TBC1D5: variants seen among roughly 807,000 people sequenced by gnomAD.
TBC1D5 encodes the protein TBC1 domain family member 5, also known as TBC1 domain family, member 5.
In TBC1D5, 75 loss-of-function variants were observed where a neutral mutation model predicts 100.3. The ratio of observed to expected loss-of-function variants is 0.75; its 90% CI spans 0.62 to 0.91. The LOEUF (loss-of-function observed/expected upper bound fraction) is 0.91, where lower values mean the gene tolerates loss of function less well. Ranked by LOEUF, TBC1D5 falls within the 40% of genes least tolerant of loss-of-function variation. The probability of loss-of-function intolerance (pLI) is 0.00; values close to 1 mark genes in which losing one functional copy is unlikely to be tolerated. For synonymous variants in TBC1D5, 323 were observed against 325.6 expected (o/e 0.99, Z 0.09); for missense variants, 910 against 942.4 (o/e 0.97, Z 0.45).
intron 3 of TBC1D5, among the ~76,000 whole-genome samples, chr3:17,461,566 A>G (rs939257504): frequency 6.6e-6 from 1 of 152,202 alleles, no homozygotes; most frequent in African/African-American, 2.4e-5. Flanking sequence ...TCATATAAAT[A>G]ATCCTGTTTG....
chr3:17,549,316 A>T (rs2096451213), intron 2 of TBC1D5, among the ~76,000 whole-genome samples: 1 of 152,146 alleles, frequency 6.6e-6, no homozygotes, highest in African/African-American at 2.4e-5. Flanking sequence ...AATAAGATAA[A>T]ATAAAATAAA....
chr3:17,741,929 C>A (rs1050269700), upstream of TBC1D5, among the ~76,000 whole-genome samples: 1 of 148,322 alleles, frequency 6.7e-6, no homozygotes, highest in Non-Finnish European at 1.5e-5. Context: ...GAAGTCAAGG[C>A]TTCTCTCTTC....
At chr3:17,563,276 G>A (rs1359192230) in intron 2 of TBC1D5, among the ~76,000 whole-genome samples, 1 of 152,158 alleles carries the variant, frequency 6.6e-6, no homozygotes, top group African/African-American at 2.4e-5. Context: ...CAAATAGTTC[G>A]GTATGCGGGC....
At chr3:17,621,101 G>A (rs188273409) in intron 2 of TBC1D5, among the ~76,000 whole-genome samples, 44 of 152,146 alleles carry the variant, frequency 2.9e-4, no homozygotes, top group African/African-American at 9.4e-4. Context: ...TGTGAAAGAC[G>A]GGACATATAA....
intron 1 of TBC1D5, among the ~76,000 whole-genome samples, chr3:17,712,093 C>A (rs1290575035): frequency 1.3e-5 from 2 of 152,086 alleles, no homozygotes; most frequent in African/African-American, 4.8e-5. Context: ...CCCAGCATCA[C>A]AGGCTAAAAT....
chr3:17,694,538 G>A (rs2071698937), intron 1 of TBC1D5, among the ~76,000 whole-genome samples: 1 of 152,008 alleles, frequency 6.6e-6, no homozygotes, highest in African/African-American at 2.4e-5. Context: ...AAGGAGACAG[G>A]GTTAGAGAAA....
intron 18 of TBC1D5, among the ~76,000 whole-genome samples, chr3:17,200,549 T>G (rs1291119055): frequency 6.6e-6 from 1 of 152,256 alleles, no homozygotes; most frequent in Non-Finnish European, 1.5e-5. Context: ...CCTGAAACCA[T>G]GCCCCTGCAA....
intron 2 of TBC1D5, among the ~76,000 whole-genome samples, chr3:17,515,462 A>G (rs2095972853): frequency 6.6e-6 from 1 of 152,218 alleles, no homozygotes; most frequent in Non-Finnish European, 1.5e-5. Flanking sequence ...ACCACTATAC[A>G]TATTAACTTA....
intron 13 of TBC1D5, among the ~76,000 whole-genome samples, chr3:17,352,068 A>G (rs1201797045): frequency 6.6e-6 from 1 of 151,840 alleles, no homozygotes; most frequent in Non-Finnish European, 1.5e-5. Context: ...CACCCCATGA[A>G]CCCAGATAAT....
chr3:17,425,436 G>A (rs868821758), intron 4 of TBC1D5, among the ~76,000 whole-genome samples: 8 of 152,220 alleles, frequency 5.3e-5, no homozygotes, highest in South Asian at 4.1e-4. Flanking sequence ...AGACCATCCC[G>A]GGCAACATGG....
At chr3:17,557,340 T>C (rs2096528825) in intron 2 of TBC1D5, among the ~76,000 whole-genome samples, 1 of 152,212 alleles carries the variant, frequency 6.6e-6, no homozygotes, top group Admixed American at 6.5e-5. Context: ...ACACAATAGC[T>C]TACATAAAAT....
chr3:17,181,111 T>C (rs2068405393), intron 19 of TBC1D5, among the ~76,000 whole-genome samples: 1 of 152,196 alleles, frequency 6.6e-6, no homozygotes, highest in Admixed American at 6.5e-5. Context: ...GTGGCCCTCA[T>C]GTCACTAAGT....
chr3:17,262,513 G>A (rs1456979304), intron 15 of TBC1D5, among the ~76,000 whole-genome samples: 4 of 128,136 alleles, frequency 3.1e-5, no homozygotes, highest in Non-Finnish European at 4.7e-5. Flanking sequence ...ACAGGGTCTT[G>A]CTCTGTCGCC....
At chr3:17,695,230 A>G (rs1175800536) in intron 1 of TBC1D5, among the ~76,000 whole-genome samples, 5 of 152,246 alleles carry the variant, frequency 3.3e-5, no homozygotes, top group Non-Finnish European at 7.3e-5. Flanking sequence ...TGACAGGATC[A>G]AATTCACACA....
chr3:17,692,280 C>T (rs1360923859), intron 1 of TBC1D5, among the ~76,000 whole-genome samples: 5 of 151,946 alleles, frequency 3.3e-5, no homozygotes, highest in South Asian at 4.2e-4. Flanking sequence ...TTAGTAGAGA[C>T]GGGATTTCGC....
intron 18 of TBC1D5, among the ~76,000 whole-genome samples, chr3:17,199,379 C>T (rs2071161296): frequency 6.6e-6 from 1 of 152,226 alleles, no homozygotes. Flanking sequence ...TTAAGATTTC[C>T]ATAAATGTTA....
chr3:17,609,949 C>T (rs1055351678), intron 2 of TBC1D5, among the ~76,000 whole-genome samples: 1 of 152,192 alleles, frequency 6.6e-6, no homozygotes, highest in Non-Finnish European at 1.5e-5. Context: ...TTATCTTTCC[C>T]CAAAACCTTT....
chr3:17,416,394 C>T (rs1489652338), intron 4 of TBC1D5, among the ~76,000 whole-genome samples: 1 of 152,110 alleles, frequency 6.6e-6, no homozygotes, highest in African/African-American at 2.4e-5. Flanking sequence ...CTTCATATTG[C>T]CAGTAGTTCC....
chr3:17,430,729 C>A (rs914893773), intron 3 of TBC1D5, among the ~76,000 whole-genome samples: 6 of 151,802 alleles, frequency 4.0e-5, no homozygotes, highest in Non-Finnish European at 8.9e-5. Context: ...CAGTTATAAA[C>A]TCTTAATTTT....
Sources: allele counts gnomAD v4.1 joint callset (sites outside exome capture counted in the v4.1 genomes callset), GRCh38; gene constraint gnomAD v4.1.1; transcripts MANE v1.5; gene names NCBI Gene and HGNC (gene_info 2026-07-23, HGNC 2026-07-21).